FSTL5: variants seen among roughly 807,000 people sequenced by gnomAD.
FSTL5 encodes follistatin like 5, also known as follistatin-related protein 5.
FSTL5 carries 62 observed loss-of-function variants against 89.1 expected under a neutral mutation model. The ratio of observed to expected loss-of-function variants is 0.70; its 90% confidence interval spans 0.57 to 0.86. FSTL5 has a LOEUF of 0.86. FSTL5 is among the 40% of genes least tolerant of loss of function. The probability of loss-of-function intolerance (pLI) is 0.00; values close to 1 mark genes in which losing one functional copy is unlikely to be tolerated. For synonymous variants in FSTL5, 383 were observed against 346.2 expected, an observed-to-expected ratio of 1.11 and a Z score of -1.18; for missense variants, 1,057 against 1,001.6, an observed-to-expected ratio of 1.06 and a Z score of -0.75.
intron 3 of FSTL5, among the ~76,000 whole-genome samples, chr4:161,990,145 A>G (rs1248086052): frequency 1.3e-5 from 2 of 152,180 alleles, no homozygotes; most frequent in Non-Finnish European, 2.9e-5. Flanking sequence ...AGTGAATTCT[A>G]TCTAAACTAG....
chr4:161,800,068 T>TTA (rs1454489138), intron 4 of FSTL5, among the ~76,000 whole-genome samples: 1 of 151,654 alleles, frequency 6.6e-6, no homozygotes, highest in Non-Finnish European at 1.5e-5. Context: ...AAGGCACTAA[T>TTA]TATACATTTT....
intron 2 of FSTL5, among the ~76,000 whole-genome samples, chr4:162,097,256 G>A (rs1054582786): frequency 1.3e-5 from 2 of 148,930 alleles, no homozygotes; most frequent in Admixed American, 6.7e-5. Flanking sequence ...TGCAATAGAG[G>A]AGAGGAATTT....
intron 4 of FSTL5, among the ~76,000 whole-genome samples, chr4:161,872,148 T>TTTTTTTTTTTTTTTTTA (rs1560892324): frequency 7.4e-6 from 1 of 135,786 alleles, no homozygotes; most frequent in Non-Finnish European, 1.6e-5. Flanking sequence ...TTGGTTTTTT[T>TTTTTTTTTTTTTTTTTA]TTTTTTTTTT....
intron 4 of FSTL5, among the ~76,000 whole-genome samples, chr4:161,791,201 T>C (rs1047999120): frequency 5.2e-5 from 5 of 96,294 alleles, no homozygotes; most frequent in African/African-American, 1.1e-4. Context: ...AATTGCACCA[T>C]AGAAGAAAAA....
chr4:161,835,640 G>A (rs951931348), intron 4 of FSTL5, among the ~76,000 whole-genome samples: 2 of 151,860 alleles, frequency 1.3e-5, no homozygotes, highest in Admixed American at 6.6e-5. Flanking sequence ...AAAAGTGGGT[G>A]AAGGACATGA....
chr4:161,516,618 A>G (rs1215288476), intron 10 of FSTL5, among the ~76,000 whole-genome samples: 2 of 88,118 alleles, frequency 2.3e-5, no homozygotes, highest in Admixed American at 1.5e-4. Flanking sequence ...AATAAATTAT[A>G]TATTTTATAT....
At chr4:161,557,236 C>T (rs925479654) in intron 8 of FSTL5, among the ~76,000 whole-genome samples, 2 of 151,272 alleles carry the variant, frequency 1.3e-5, no homozygotes, top group East Asian at 2.0e-4. Flanking sequence ...ATATATAAAT[C>T]ATAATAAGCC....
chr4:162,052,232 AG>A (rs1217632341), intron 2 of FSTL5, among the ~76,000 whole-genome samples: 2 of 151,606 alleles, frequency 1.3e-5, no homozygotes, highest in Non-Finnish European at 3.0e-5. Context: ...TAGGACAAGA[AG>A]AAAAATAAAA....
At chr4:161,550,505 CA>C (rs1421159838) in intron 8 of FSTL5, among the ~76,000 whole-genome samples, 4 of 151,304 alleles carry the variant, frequency 2.6e-5, no homozygotes, top group Non-Finnish European at 4.4e-5. Flanking sequence ...AAGGTTAAAA[CA>C]AATAACTTTT....
At chr4:162,087,667 C>T (rs1730374551) in intron 2 of FSTL5, among the ~76,000 whole-genome samples, 1 of 152,082 alleles carries the variant, frequency 6.6e-6, no homozygotes, top group Non-Finnish European at 1.5e-5. Flanking sequence ...CATCGTCATT[C>T]GACTTTGTAG....
intron 4 of FSTL5, among the ~76,000 whole-genome samples, chr4:161,879,895 T>C (rs1328577612): frequency 6.6e-6 from 1 of 152,182 alleles, no homozygotes; most frequent in African/African-American, 2.4e-5. Context: ...TCTCTCTCAG[T>C]AGATTGATAG....
chr4:162,039,909 G>C (rs1737883557), intron 2 of FSTL5, among the ~76,000 whole-genome samples: 1 of 151,940 alleles, frequency 6.6e-6, no homozygotes, highest in Admixed American at 6.6e-5. Context: ...ATTCACCAAA[G>C]TGTCCTTATG....
At chr4:162,050,048 T>A (rs887993674) in intron 2 of FSTL5, among the ~76,000 whole-genome samples, 4 of 151,804 alleles carry the variant, frequency 2.6e-5, no homozygotes, top group African/African-American at 9.7e-5. Context: ...TGATATAGGT[T>A]TTTAAGTAGC....
At chr4:161,650,027 G>A (rs1736281599) in intron 7 of FSTL5, among the ~76,000 whole-genome samples, 1 of 152,140 alleles carries the variant, frequency 6.6e-6, no homozygotes. Context: ...CAAAAATAAT[G>A]AAAGCTGTAT....
chr4:161,832,265 G>T lies in FSTL5; in HGVS notation c.410-56191C>A, dbSNP rs188477446. Among the ~76,000 whole-genome samples, 34 of 152,184 alleles carry T rather than the reference G, an allele frequency of 2.2e-4. No individual in the cohort carries two copies. In the East Asian group the frequency reaches 6.4e-3, roughly 29 times the overall value. ...AACGAATGAGCTGTACAATAGGACA[G>T]TGCAGTGATATTTTTTGGGAGGTGA... On this transcript the variant is annotated intron_variant, in intron 4 of 15. Transcript: ENST00000306100.
chr4:161,795,508 G>GA (rs1224697193), intron 4 of FSTL5, among the ~76,000 whole-genome samples: 1 of 151,768 alleles, frequency 6.6e-6, no homozygotes, highest in Non-Finnish European at 1.5e-5. Flanking sequence ...CCTTCCTTTT[G>GA]AAAAAATGAT....
chr4:161,843,869 C>T (rs1731285513), intron 4 of FSTL5, among the ~76,000 whole-genome samples: 1 of 152,076 alleles, frequency 6.6e-6, no homozygotes, highest in African/African-American at 2.4e-5. Context: ...CAATACCATT[C>T]AGGACACAGG....
At chr4:161,923,909 G>A (rs929684647) in intron 3 of FSTL5, among the ~76,000 whole-genome samples, 4 of 151,656 alleles carry the variant, frequency 2.6e-5, no homozygotes, top group African/African-American at 7.3e-5. Flanking sequence ...ACAATTAAAC[G>A]AAATTTAATT....
intron 6 of FSTL5, among the ~76,000 whole-genome samples, chr4:161,669,405 A>G (rs1737018373): frequency 1.3e-5 from 2 of 152,154 alleles, no homozygotes; most frequent in African/African-American, 4.8e-5. Context: ...CTACAAAGCT[A>G]CAATAATCAA....
Sources: allele counts gnomAD v4.1 joint callset (sites outside exome capture counted in the v4.1 genomes callset), GRCh38; gene constraint gnomAD v4.1.1; transcripts MANE v1.5; gene names NCBI Gene and HGNC (gene_info 2026-07-23, HGNC 2026-07-21).